ZNF431: variants seen among roughly 807,000 people sequenced by gnomAD.
The protein encoded by ZNF431 is zinc finger protein 431.
A neutral mutation model predicts 57.0 loss-of-function variants in ZNF431; 34 were observed. That is an observed-to-expected ratio of 0.60 (90% CI 0.45 to 0.79). The LOEUF is 0.79. Among genes scored for constraint, ZNF431 ranks in the 30% least tolerant of loss-of-function variants. ZNF431 has a pLI of 0.00. For missense variants in ZNF431, 607 were observed against 667.1 expected (o/e 0.91, Z 0.99); for synonymous variants, 207 against 220.3 (o/e 0.94, Z 0.54).
chr19:21,143,641 A>G lies in ZNF431; in HGVS notation c.94A>G (p.Lys32Glu). 1 of 1,612,752 alleles carries G rather than the reference A, an allele frequency of 6.2e-7. No homozygotes were observed. The highest frequency in any genetic ancestry group is 1.1e-5 in the South Asian group (1 of 91,064). ...TCTTCTAGTTTACTCTTATTTTGAA[A>G]AGGTAACCTCTTGAGACATTAAAAT... The part of the protein sequence containing the change: ...RNLLVYSYFE[K>E]ETLTFRDVAI... Residue 32 changes from lysine to glutamate, a missense_variant and splice_region_variant, in exon 2 of 5, where the codon AAG becomes GAG. Transcript: ENST00000311048.
At chr19:21,143,523 T>C (rs1430613084) in intron 1 of ZNF431, 28 bp from the exon 2 acceptor site, 1 of 1,574,958 alleles carries the variant, frequency 6.3e-7, no homozygotes, top group Non-Finnish European at 8.7e-7. Flanking sequence ...CTAGTGAATA[T>C]CAGCTTCTGG....
rs747379435 is a variant in ZNF431 at position 21,142,197 on chromosome 19, C to T, written c.3+11C>T. ...GAAAGCCTAGAAATGGTGAGAGTGC[C>T]GGGTCGGACATCCCGAGAGAGGGGA... On this transcript the variant is annotated intron_variant, in intron 1 of 4. Coordinates refer to ENST00000311048, the MANE Select transcript of ZNF431 (RefSeq NM_133473.4). The T allele has an allele frequency of 2.5e-6, 4 of 1,612,870 alleles. No homozygotes were observed. The highest frequency in any genetic ancestry group is 1.3e-5 in the African/African-American group (1 of 74,886).
At chr19:21,162,145 TGTGTGTGTGTGTGTG>T (rs1262339980) in intron 2 of ZNF431, among the ~76,000 whole-genome samples, 3 of 125,334 alleles carry the variant, frequency 2.4e-5, no homozygotes, top group African/African-American at 6.5e-5. Context: ...TCCAGCTAAT[TGTGTGTGTGTGTGTG>T]TGTGTGTGTG....
At chr19:21,178,705 G>C (rs1419688449) in intron 4 of ZNF431, among the ~76,000 whole-genome samples, 1 of 151,836 alleles carries the variant, frequency 6.6e-6, no homozygotes, top group African/African-American at 2.4e-5. Flanking sequence ...TGGGAATAAA[G>C]CTTTTTGACG....
At chr19:21,157,600 T>TG (rs1208703802) in intron 2 of ZNF431, among the ~76,000 whole-genome samples, 1 of 149,948 alleles carries the variant, frequency 6.7e-6, no homozygotes, top group African/African-American at 2.5e-5. Context: ...GGTGGGACCT[T>TG]GGCTCACTGC....
At chr19:21,153,728 T>A (rs1364532820) in intron 2 of ZNF431, among the ~76,000 whole-genome samples, 1 of 152,170 alleles carries the variant, frequency 6.6e-6, no homozygotes, top group Non-Finnish European at 1.5e-5. Context: ...ATTTTTTTTC[T>A]TTTTTGAGAC....
chr19:21,149,487 TAATC>T (rs1404707294), intron 2 of ZNF431, among the ~76,000 whole-genome samples: 9 of 152,196 alleles, frequency 5.9e-5, no homozygotes, highest in Non-Finnish European at 1.3e-4. Flanking sequence ...TTAAACCAAT[TAATC>T]AGAGTTCTTT....
intron 4 of ZNF431, among the ~76,000 whole-genome samples, chr19:21,173,559 C>T (rs1025450188): frequency 1.3e-5 from 2 of 151,820 alleles, no homozygotes; most frequent in Non-Finnish European, 2.9e-5. Context: ...TGTTGTCATC[C>T]AGGCCTGCTG....
intron 4 of ZNF431, among the ~76,000 whole-genome samples, chr19:21,172,092 C>G (rs1970911412): frequency 6.7e-6 from 1 of 149,208 alleles, no homozygotes; most frequent in Non-Finnish European, 1.5e-5. Flanking sequence ...ATTTATAATT[C>G]TGTATTTTTT....
At chr19:21,156,987 A>G (rs1243486423) in intron 2 of ZNF431, among the ~76,000 whole-genome samples, 1 of 152,114 alleles carries the variant, frequency 6.6e-6, no homozygotes. Flanking sequence ...CATGTTGCCC[A>G]GGGTGGTCTT....
At chr19:21,159,982 C>CTT (rs11291342) in intron 2 of ZNF431, among the ~76,000 whole-genome samples, 13 of 126,366 alleles carry the variant, frequency 1.0e-4, no homozygotes, top group African/African-American at 3.6e-4. Flanking sequence ...TTGCCTCAGC[C>CTT]TTTTTTTTTT....
chr19:21,167,497 T>C, intron 3 of ZNF431, 74 bp from the exon 4 acceptor site: 2 of 1,128,126 alleles, frequency 1.8e-6, no homozygotes, highest in Non-Finnish European at 2.3e-6. Flanking sequence ...CACATCCTTT[T>C]TACTGAGCAC....
chr19:21,148,698 AG>A (rs1381220830), intron 2 of ZNF431, among the ~76,000 whole-genome samples: 1 of 152,198 alleles, frequency 6.6e-6, no homozygotes, highest in African/African-American at 2.4e-5. Flanking sequence ...ACTGTTTTTT[AG>A]TAGTCAAAAT....
Position 21,185,862 on chromosome 19 carries a change from A to G in ZNF431, c.*1828A>G, listed in dbSNP as rs1489471990. 3 of 147,982 alleles carry G rather than the reference A, an allele frequency of 2.0e-5. No individual in the cohort carries two copies. Among genetic ancestry groups the G allele is most frequent in the African/African-American group, 7.7e-5 (3 of 38,784 alleles). The allele number at this position is 147,982 out of a possible 1,614,324, so 9.2% of individuals were successfully genotyped here. A position where few individuals can be genotyped will look rare whatever the true frequency, so the allele number is the denominator to read the frequency against. ...TCTCCTTTGTTTTACAAACAATCCA[A>G]TTCTACACTTTAAAAAAAAATTTTT... On this transcript the variant is annotated 3_prime_UTR_variant, in exon 5 of 5. Coordinates refer to ENST00000311048, the MANE Select transcript of ZNF431 (RefSeq NM_133473.4).
intron 2 of ZNF431, among the ~76,000 whole-genome samples, chr19:21,153,877 C>T (rs912102143): frequency 2.0e-5 from 3 of 152,162 alleles, no homozygotes; most frequent in East Asian, 1.9e-4. Context: ...CCACCATGCC[C>T]GTCTAATTTT....
At chr19:21,162,658 G>A (rs1173270505) in intron 2 of ZNF431, 1 of 943,962 alleles carries the variant, frequency 1.1e-6, no homozygotes, top group African/African-American at 1.8e-5. Flanking sequence ...CTGGAGTCTT[G>A]CATCACAAAG....
intron 2 of ZNF431, among the ~76,000 whole-genome samples, chr19:21,160,278 G>A (rs1035460880): frequency 2.0e-5 from 3 of 152,088 alleles, no homozygotes; most frequent in African/African-American, 4.8e-5. Context: ...AAGCTTTTTA[G>A]ATCTTGTTCA....
Position 21,193,966 on chromosome 19 carries a change from TA to T in ZNF431, c.*9934del, listed in dbSNP as rs1971557133. 1 of 151,986 alleles carries T rather than the reference TA, an allele frequency of 6.6e-6. No homozygotes were observed. The highest frequency in any genetic ancestry group is 2.1e-4 in the South Asian group (1 of 4,818). The allele number at this position is 151,986 out of a possible 1,614,324, so 9.4% of individuals were successfully genotyped here. On this transcript the variant is annotated 3_prime_UTR_variant, in exon 5 of 5. Coordinates refer to ENST00000311048, the MANE Select transcript of ZNF431 (RefSeq NM_133473.4). Reference sequence around the variant, plus strand: ...CATGCATTTCTCATTAGAAAAAAAATAAGACTATCTAAACAATTCTATTTAA... The same window carrying T: ...CATGCATTTCTCATTAGAAAAAAAATAGACTATCTAAACAATTCTATTTAA...
rs1969969423 is a variant in ZNF431, at chr19:21,142,472, G to T, written c.3+286G>T. 2.6e-5 allele frequency among the ~76,000 whole-genome samples: 4 copies of T among 152,246 alleles called. No individual in the cohort carries two copies. In the South Asian group the frequency reaches 8.3e-4, roughly 31 times the overall value. On this transcript the variant is annotated intron_variant, in intron 1 of 4. Coordinates refer to ENST00000311048, the MANE Select transcript of ZNF431 (RefSeq NM_133473.4). ...CAGCACCGCGTCTTTCCCAGATTGT[G>T]CAGGGACCACGGGAGGGTCTTCAGG...
Sources: allele counts gnomAD v4.1 joint callset (sites outside exome capture counted in the v4.1 genomes callset), GRCh38; gene constraint gnomAD v4.1.1; transcripts MANE v1.5; gene names NCBI Gene and HGNC (gene_info 2026-07-23, HGNC 2026-07-21).